PDE10A: variants seen among roughly 807,000 people sequenced by gnomAD.
PDE10A encodes the protein cAMP and cAMP-inhibited cGMP 3',5'-cyclic phosphodiesterase 10A.
A neutral mutation model predicts 97.7 loss-of-function variants in PDE10A; 39 were observed. That is an observed-to-expected ratio of 0.40 (90% CI 0.31 to 0.52). The LOEUF (loss-of-function observed/expected upper bound fraction) is 0.52, where lower values mean the gene tolerates loss of function less well. Among genes scored for constraint, PDE10A ranks in the 20% least tolerant of loss-of-function variants. The pLI, the probability that PDE10A is intolerant of heterozygous loss-of-function variation, is 0.56. For missense variants in PDE10A, 731 were observed against 1,047.8 expected (o/e 0.70, Z 4.17); for synonymous variants, 371 against 376.8 (o/e 0.98, Z 0.18).
chr6:165,731,354 G>A (rs533136089), intron 1 of PDE10A, among the ~76,000 whole-genome samples: 10 of 152,184 alleles, frequency 6.6e-5, no homozygotes, highest in African/African-American at 2.4e-4. Flanking sequence ...GGAGCTCCAG[G>A]GGCAGGTTCT....
rs1174416958 is a variant in PDE10A, at chr6:165,531,266, T to C, written c.994+12174A>G. ...GCTTACTATTTTTGCCCCATTTAGA[T>C]TCAAAGCTCCATTATAGCTGAATCT... On this transcript the variant is annotated intron_variant, in intron 2 of 21. Transcript: ENST00000539869. 1.9e-4 allele frequency among the ~76,000 whole-genome samples: 29 copies of C among 151,758 alleles called. No homozygotes were observed. In the Admixed American group the frequency reaches 1.9e-3, roughly 10 times the overall value.
chr6:165,745,931 T>C (rs1792833038), intron 1 of PDE10A, among the ~76,000 whole-genome samples: 3 of 152,256 alleles, frequency 2.0e-5, no homozygotes, highest in African/African-American at 7.2e-5. Context: ...CATTCTTGAA[T>C]GTTTTGCTCC....
chr6:165,980,278 G>A (rs1202837455), intron 1 of PDE10A, among the ~76,000 whole-genome samples: 1 of 152,186 alleles, frequency 6.6e-6, no homozygotes, highest in African/African-American at 2.4e-5. Flanking sequence ...TGGACAAATG[G>A]CCTTCGGTAG....
At chr6:165,965,602 G>A (rs1784486691) in intron 1 of PDE10A, among the ~76,000 whole-genome samples, 1 of 152,082 alleles carries the variant, frequency 6.6e-6, no homozygotes, top group Non-Finnish European at 1.5e-5. Context: ...GTATTTCTTT[G>A]TCACTCAGCA....
chr6:165,407,427 G>A (rs1477849712), intron 13 of PDE10A, among the ~76,000 whole-genome samples: 1 of 151,850 alleles, frequency 6.6e-6, no homozygotes, highest in East Asian at 1.9e-4. Flanking sequence ...CACACTCATG[G>A]TATTGTTGGG....
In PDE10A at chr6:165,645,042, A is replaced by G. The variant is rs377701627; in HGVS notation, c.865+16905T>C. On this transcript the variant is annotated intron_variant, in intron 1 of 21. Transcript: ENST00000539869. ...CTGGCGCTTGGTACCACATCCTCTC[A>G]GCCTGCTTCTGGTTTCTGCCACAGC... is the stretch of plus-strand genomic sequence containing the variant. 3.9e-3 allele frequency among the ~76,000 whole-genome samples: 601 copies of G among 152,328 alleles called. 3 individuals carry two copies. Among genetic ancestry groups the G allele is most frequent in the African/African-American group, 0.014 (562 of 41,576 alleles).
At chr6:165,832,033 A>G (rs1779935438) in intron 1 of PDE10A, among the ~76,000 whole-genome samples, 1 of 152,242 alleles carries the variant, frequency 6.6e-6, no homozygotes, top group Admixed American at 6.5e-5. Context: ...CAGAAGAGAC[A>G]TCAAAGGACT....
At chr6:165,716,512 A>C (rs944554545) in intron 1 of PDE10A, among the ~76,000 whole-genome samples, 1 of 152,246 alleles carries the variant, frequency 6.6e-6, no homozygotes, top group Admixed American at 6.5e-5. Context: ...TATTGGAGTT[A>C]ATGATTAGCA....
chr6:165,955,112 C>T (rs1784093336), intron 1 of PDE10A, among the ~76,000 whole-genome samples: 1 of 152,006 alleles, frequency 6.6e-6, no homozygotes, highest in South Asian at 2.1e-4. Flanking sequence ...GCCTCTATGC[C>T]ACCACTGATC....
intron 5 of PDE10A, among the ~76,000 whole-genome samples, chr6:165,446,852 TAG>T (rs1790884103): frequency 6.6e-6 from 1 of 152,120 alleles, no homozygotes; most frequent in Non-Finnish European, 1.5e-5. Flanking sequence ...TCAGTGCCCC[TAG>T]AGAGAAGCAT....
At chr6:165,867,230 G>A (rs1373580964) in intron 1 of PDE10A, among the ~76,000 whole-genome samples, 14 of 137,248 alleles carry the variant, frequency 1.0e-4, no homozygotes, top group South Asian at 2.2e-4. Flanking sequence ...AGACTGAATG[G>A]AAAAAAAAAA....
chr6:165,970,252 G>A (rs895413094), intron 1 of PDE10A, among the ~76,000 whole-genome samples: 1 of 152,210 alleles, frequency 6.6e-6, no homozygotes, highest in Admixed American at 6.5e-5. Flanking sequence ...GCTATGTGTG[G>A]TTCTGGAACA....
At chr6:165,360,709 G>C (rs1367141968) in intron 18 of PDE10A, among the ~76,000 whole-genome samples, 3 of 152,156 alleles carry the variant, frequency 2.0e-5, no homozygotes, top group Non-Finnish European at 4.4e-5. Flanking sequence ...CCTTGAAAGG[G>C]CCCATATTTG....
At chr6:165,406,745 C>T (rs577804252) in intron 13 of PDE10A, among the ~76,000 whole-genome samples, 1 of 152,088 alleles carries the variant, frequency 6.6e-6, no homozygotes, top group African/African-American at 2.4e-5. Context: ...GTAGGGAAGA[C>T]CTGCCCTTAT....
At chr6:165,604,640 A>G (rs1787123747) in intron 1 of PDE10A, among the ~76,000 whole-genome samples, 1 of 152,220 alleles carries the variant, frequency 6.6e-6, no homozygotes, top group Non-Finnish European at 1.5e-5. Context: ...AACATCCTAC[A>G]TGGAATGGGA....
intron 1 of PDE10A, among the ~76,000 whole-genome samples, chr6:165,707,891 G>A (rs1285174813): frequency 6.6e-6 from 1 of 152,054 alleles, no homozygotes; most frequent in Non-Finnish European, 1.5e-5. Context: ...GAACACAAAG[G>A]GGCAGAGTTT....
At chr6:165,515,748 T>TC (rs1174977125) in intron 2 of PDE10A, among the ~76,000 whole-genome samples, 1 of 152,086 alleles carries the variant, frequency 6.6e-6, no homozygotes, top group African/African-American at 2.4e-5. Context: ...GCTCTCAAAC[T>TC]CCTGACCTCA....
intron 1 of PDE10A, among the ~76,000 whole-genome samples, chr6:165,794,183 C>A (rs899640813): frequency 1.3e-5 from 2 of 151,548 alleles, no homozygotes; most frequent in Admixed American, 1.3e-4. Context: ...CTCCCTCCCA[C>A]ACTCACGCAC....
chr6:165,410,617 G>C (rs220759), intron 13 of PDE10A, among the ~76,000 whole-genome samples: 105,012 of 151,874 alleles, frequency 0.69, 36,949 homozygotes, highest in Middle Eastern at 0.84. Flanking sequence ...GAAAGTGGGG[G>C]TAAGTTCCTG....
Sources: gnomAD v4.1 joint callset for allele counts (sites outside exome capture counted in the v4.1 genomes callset) on GRCh38, gnomAD v4.1.1 for gene constraint, MANE v1.5 for transcripts, NCBI Gene and HGNC (gene_info 2026-07-23, HGNC 2026-07-21) for gene names.